CHCHD6: variants seen among roughly 807,000 people sequenced by gnomAD.
The protein encoded by CHCHD6 is coiled-coil-helix-coiled-coil-helix domain containing 6.
Under a neutral mutation model 32.3 loss-of-function variants are expected in CHCHD6, and 28 were observed. The observed-to-expected ratio is 0.87, with a 90% CI of 0.64 to 1.19. The LOEUF (loss-of-function observed/expected upper bound fraction) is 1.19. Among genes scored for constraint, CHCHD6 ranks in the 50% most tolerant of loss-of-function variants. The pLI is 0.00. For missense variants in CHCHD6, 333 were observed against 307.0 expected (o/e 1.08, Z -0.63); for synonymous variants, 122 against 117.5 (o/e 1.04, Z -0.25).
chr3:126,807,248 A>G (rs1223829723), intron 4 of CHCHD6, among the ~76,000 whole-genome samples: 1 of 152,140 alleles, frequency 6.6e-6, no homozygotes, highest in Non-Finnish European at 1.5e-5. Flanking sequence ...GTCCCAAACA[A>G]ACACACAGAG....
intron 4 of CHCHD6, among the ~76,000 whole-genome samples, chr3:126,759,304 T>G (rs879844076): frequency 6.6e-6 from 1 of 152,370 alleles, no homozygotes; most frequent in Non-Finnish European, 1.5e-5. Context: ...CATAAATACC[T>G]GAATATGCAT....
intron 6 of CHCHD6, among the ~76,000 whole-genome samples, chr3:126,956,600 CGAGAGA>C (rs58750065): frequency 0.013 from 1,932 of 149,752 alleles, 17 homozygotes; most frequent in Non-Finnish European, 0.015. Flanking sequence ...AGTGTGCGCA[CGAGAGA>C]GAGAGAGAGA....
At chr3:126,764,601 GGAA>G (rs1322519079) in intron 4 of CHCHD6, among the ~76,000 whole-genome samples, 2 of 152,190 alleles carry the variant, frequency 1.3e-5, no homozygotes, top group African/African-American at 4.8e-5. Flanking sequence ...TGAGGCTGCC[GGAA>G]GATCTAAGTG....
At chr3:126,707,647 C>G (rs544865792) in intron 1 of CHCHD6, among the ~76,000 whole-genome samples, 8 of 152,314 alleles carry the variant, frequency 5.3e-5, no homozygotes, top group African/African-American at 1.9e-4. Context: ...ACTGAGCCCA[C>G]CCCTGTTCCA....
chr3:126,821,612 T>C (rs886787573), intron 4 of CHCHD6, among the ~76,000 whole-genome samples: 2 of 152,210 alleles, frequency 1.3e-5, no homozygotes, highest in African/African-American at 4.8e-5. Context: ...CTCTTAAGTT[T>C]AAATTTTTGA....
intron 4 of CHCHD6, among the ~76,000 whole-genome samples, chr3:126,835,016 GA>G (rs1036225155): frequency 5.6e-4 from 85 of 152,328 alleles, no homozygotes; most frequent in African/African-American, 1.9e-3. Context: ...CTAGGTCAAG[GA>G]AAAGTGTTTT....
chr3:126,790,765 C>A (rs112825837), intron 4 of CHCHD6, among the ~76,000 whole-genome samples: 2 of 152,112 alleles, frequency 1.3e-5, no homozygotes, highest in South Asian at 4.2e-4. Flanking sequence ...GTGATGGGTT[C>A]AAACTTCCTC....
chr3:126,942,888 A>C (rs981856012), intron 6 of CHCHD6, among the ~76,000 whole-genome samples: 6 of 152,146 alleles, frequency 3.9e-5, no homozygotes, highest in African/African-American at 1.4e-4. Flanking sequence ...TCCACAGTGC[A>C]TGCGTGAGGA....
chr3:126,724,762 A>G (rs1397496757), intron 1 of CHCHD6, among the ~76,000 whole-genome samples: 1 of 152,222 alleles, frequency 6.6e-6, no homozygotes, highest in Non-Finnish European at 1.5e-5. Flanking sequence ...ATCCTATTCT[A>G]AATCCTTTGT....
At chr3:126,894,335 C>T (rs954002604) in intron 5 of CHCHD6, among the ~76,000 whole-genome samples, 1 of 152,224 alleles carries the variant, frequency 6.6e-6, no homozygotes, top group Admixed American at 6.5e-5. Context: ...GAAATGAAGT[C>T]CATGGTCTTT....
intron 4 of CHCHD6, among the ~76,000 whole-genome samples, chr3:126,759,913 G>A (rs540189699): frequency 7.6e-4 from 115 of 152,308 alleles, no homozygotes; most frequent in Middle Eastern, 3.4e-3. Context: ...GCATCTGCTC[G>A]CTTTTGGAGA....
intron 4 of CHCHD6, among the ~76,000 whole-genome samples, chr3:126,843,498 T>C (rs918682211): frequency 6.6e-6 from 1 of 152,202 alleles, no homozygotes; most frequent in African/African-American, 2.4e-5. Context: ...GGAAATTCTT[T>C]GGGGTAAGGC....
chr3:126,863,621 T>C (rs1193702096), intron 5 of CHCHD6, among the ~76,000 whole-genome samples: 23 of 40,982 alleles, frequency 5.6e-4, no homozygotes, highest in Admixed American at 1.3e-3. Flanking sequence ...TCCTCCACCA[T>C]CACCACCTCA....
At position 126,957,404 on chromosome 3, in the gene CHCHD6, T is replaced by A. The variant is rs552068703; in HGVS notation, c.567-12T>A. On this transcript the variant is annotated splice_polypyrimidine_tract_variant and intron_variant, in intron 6 of 7. Transcript: ENST00000290913. ...CCTGAGCCCCAGGCCTGCCTGCTCT[T>A]GTCTTCTGCAGGCCCCGCAGGGTGG... 1 of 1,608,630 alleles carries A rather than the reference T, an allele frequency of 6.2e-7. No individual in the cohort carries two copies. The highest frequency in any genetic ancestry group is 1.7e-5 in the Admixed American group (1 of 59,706).
intron 5 of CHCHD6, among the ~76,000 whole-genome samples, chr3:126,891,684 G>A (rs551950148): frequency 4.6e-5 from 7 of 152,314 alleles, no homozygotes; most frequent in South Asian, 2.1e-4. Context: ...GCTGGAACCA[G>A]GGTTGAGGGA....
intron 4 of CHCHD6, among the ~76,000 whole-genome samples, chr3:126,774,632 G>A (rs1937603027): frequency 6.6e-6 from 1 of 152,168 alleles, no homozygotes; most frequent in Non-Finnish European, 1.5e-5. Flanking sequence ...CCACGCTTGG[G>A]TGGTAGTCAG....
intron 1 of CHCHD6, among the ~76,000 whole-genome samples, chr3:126,707,778 T>G (rs565437450): frequency 7.0e-4 from 106 of 152,312 alleles, no homozygotes; most frequent in Middle Eastern, 6.8e-3. Flanking sequence ...AAGAATGTGG[T>G]CAGACACACA....
intron 5 of CHCHD6, among the ~76,000 whole-genome samples, chr3:126,862,169 T>C (rs1254576019): frequency 4.5e-4 from 10 of 22,358 alleles, no homozygotes; most frequent in Admixed American, 9.6e-4. Flanking sequence ...TCCTCCACCA[T>C]CACCACCTCC....
At chr3:126,897,938 C>T (rs1477913674) in intron 5 of CHCHD6, among the ~76,000 whole-genome samples, 1 of 152,208 alleles carries the variant, frequency 6.6e-6, no homozygotes, top group Admixed American at 6.5e-5. Context: ...GTCTTTCAGC[C>T]TCAGTCTCTG....
Sources: gnomAD v4.1 joint callset for allele counts (sites outside exome capture counted in the v4.1 genomes callset) on GRCh38, gnomAD v4.1.1 for gene constraint, MANE v1.5 for transcripts, NCBI Gene and HGNC (gene_info 2026-07-23, HGNC 2026-07-21) for gene names.